SLIT3: variants seen among roughly 807,000 people sequenced by gnomAD.
SLIT3 encodes the protein slit homolog 3 protein.
Under a neutral mutation model 184.0 loss-of-function variants are expected in SLIT3, and 68 were observed. That is an observed-to-expected ratio of 0.37 (90% confidence interval 0.30 to 0.45). The LOEUF is 0.45. Ranked by LOEUF, SLIT3 falls within the 20% of genes least tolerant of loss-of-function variation. The pLI is 1.00. For missense variants in SLIT3, 1,707 were observed against 2,026.0 expected (o/e 0.84, Z 3.02); for synonymous variants, 831 against 828.6 (o/e 1.00, Z -0.05).
chr5:169,196,246 G>A (rs1350144668), intron 3 of SLIT3, among the ~76,000 whole-genome samples: 1 of 152,140 alleles, frequency 6.6e-6, no homozygotes, highest in African/African-American at 2.4e-5. Flanking sequence ...TGTACTCAGC[G>A]ATAACAGGTG....
chr5:168,961,780 A>G (rs1763017745), intron 4 of SLIT3, among the ~76,000 whole-genome samples: 1 of 152,148 alleles, frequency 6.6e-6, no homozygotes, highest in African/African-American at 2.4e-5. Context: ...CTAACTACAT[A>G]TATTTTCTGT....
intron 4 of SLIT3, among the ~76,000 whole-genome samples, chr5:169,133,035 C>A (rs968792558): frequency 6.6e-6 from 1 of 152,200 alleles, no homozygotes; most frequent in Non-Finnish European, 1.5e-5. Context: ...ACATAGACAA[C>A]TGTTTCCTGT....
At chr5:168,824,414 GC>G (rs1304703977) in intron 6 of SLIT3, among the ~76,000 whole-genome samples, 9 of 152,182 alleles carry the variant, frequency 5.9e-5, no homozygotes, top group Non-Finnish European at 1.3e-4. Context: ...CTGAAATGAG[GC>G]TGTTGAAGAA....
At chr5:169,222,325 T>C (rs559090631) in intron 3 of SLIT3, among the ~76,000 whole-genome samples, 3 of 152,216 alleles carry the variant, frequency 2.0e-5, no homozygotes, top group Non-Finnish European at 2.9e-5. Flanking sequence ...AAAAAATCCA[T>C]GAAAATACTA....
chr5:169,042,855 A>G (rs1398894898), intron 4 of SLIT3, among the ~76,000 whole-genome samples: 1 of 152,224 alleles, frequency 6.6e-6, no homozygotes, highest in Non-Finnish European at 1.5e-5. Context: ...TATAAAAACA[A>G]GAAAAACTGG....
intron 4 of SLIT3, among the ~76,000 whole-genome samples, chr5:169,135,152 G>T (rs540410559): frequency 7.9e-5 from 12 of 152,128 alleles, no homozygotes; most frequent in Non-Finnish European, 1.5e-4. Flanking sequence ...GTTGCCCAGG[G>T]TGGGAGTCCA....
rs1366357621 is a variant in SLIT3, at chr5:168,777,091, ACACACACACACACACCCC to A, written c.1152-2731_1152-2714del. Among the ~76,000 whole-genome samples, 308 of 83,610 alleles carry A rather than the reference ACACACACACACACACCCC, an allele frequency of 3.7e-3. 3 individuals carry two copies. Among genetic ancestry groups the A allele is most frequent in the African/African-American group, 0.013 (264 of 19,806 alleles). 54.9% of individuals were successfully genotyped at this position (83,610 alleles called of 152,430 possible). A position where few individuals can be genotyped will look rare whatever the true frequency, so the allele number is the denominator to read the frequency against. On this transcript the variant is annotated intron_variant, in intron 12 of 35. Coordinates refer to ENST00000519560, the MANE Select transcript of SLIT3 (RefSeq NM_003062.4). ...CACACACACACACACACACACACAC[ACACACACACACACACCCC>A]CCATACCACACCACACCACATCAAA... is the stretch of plus-strand genomic sequence containing the variant.
intron 4 of SLIT3, among the ~76,000 whole-genome samples, chr5:169,000,285 G>C (rs1755659140): frequency 6.8e-6 from 1 of 147,414 alleles, no homozygotes. Flanking sequence ...CCAGCTACTC[G>C]AAAGGCTGAG....
At chr5:169,096,017 G>A (rs1759765411) in intron 4 of SLIT3, among the ~76,000 whole-genome samples, 1 of 152,186 alleles carries the variant, frequency 6.6e-6, no homozygotes, top group Non-Finnish European at 1.5e-5. Flanking sequence ...CTCAAGGCAA[G>A]ACAAGTATTA....
intron 4 of SLIT3, among the ~76,000 whole-genome samples, chr5:169,102,159 G>A (rs1468586984): frequency 6.6e-6 from 1 of 152,208 alleles, no homozygotes; most frequent in Non-Finnish European, 1.5e-5. Flanking sequence ...TTATGCCATT[G>A]CCTGTGTGGA....
chr5:168,915,679 C>T (rs1011072202), intron 4 of SLIT3, among the ~76,000 whole-genome samples: 4 of 151,464 alleles, frequency 2.6e-5, no homozygotes, highest in African/African-American at 9.7e-5. Context: ...TTTGGAAATC[C>T]ACTTTGCATT....
In SLIT3 at chr5:169,257,533, C is replaced by CTTTTTT. The variant is rs1157258489; in HGVS notation, c.198-6080_198-6075dup. On this transcript the variant is annotated intron_variant, in intron 1 of 35. Coordinates refer to ENST00000519560, the MANE Select transcript of SLIT3 (RefSeq NM_003062.4). ...TTGATACAATAGCTTTCTATGCCTC[C>CTTTTTT]TTTTTTTTTTTTTTTTTTTTTTTTT... is the stretch of plus-strand genomic sequence containing the variant. 2.1e-4 allele frequency among the ~76,000 whole-genome samples: 17 copies of CTTTTTT among 80,962 alleles called. 1 individual carries two copies. The highest frequency in any genetic ancestry group is 1.2e-3 in the East Asian group (3 of 2,534). The allele number at this position is 80,962 out of a possible 152,430, so 53.1% of individuals were successfully genotyped here.
chr5:168,718,564 A>G (rs1339925623), intron 23 of SLIT3, among the ~76,000 whole-genome samples: 1 of 152,018 alleles, frequency 6.6e-6, no homozygotes, highest in Middle Eastern at 3.2e-3. Flanking sequence ...TCTTTTCGCT[A>G]TTTTCAGATT....
intron 23 of SLIT3, among the ~76,000 whole-genome samples, chr5:168,717,827 AT>A (rs369551640): frequency 6.6e-6 from 1 of 151,928 alleles, no homozygotes; most frequent in Non-Finnish European, 1.5e-5. Context: ...CGTCCGGCTA[AT>A]TTTTTGTAGT....
chr5:169,144,900 T>C (rs965044480), intron 4 of SLIT3, among the ~76,000 whole-genome samples: 13 of 152,202 alleles, frequency 8.5e-5, no homozygotes, highest in African/African-American at 2.9e-4. Context: ...GGACGATGCA[T>C]GCTCCTTCCC....
chr5:168,838,666 C>T (rs747773799), intron 6 of SLIT3, among the ~76,000 whole-genome samples: 3 of 152,124 alleles, frequency 2.0e-5, no homozygotes, highest in Non-Finnish European at 2.9e-5. Flanking sequence ...ACACCAACCC[C>T]GCTCTAGGAG....
At chr5:168,687,354 T>A (rs1286796523) in intron 29 of SLIT3, among the ~76,000 whole-genome samples, 3 of 152,234 alleles carry the variant, frequency 2.0e-5, no homozygotes, top group African/African-American at 7.2e-5. Flanking sequence ...AGGGTTGGAC[T>A]CATCCAGCTT....
intron 4 of SLIT3, among the ~76,000 whole-genome samples, chr5:168,988,146 C>T (rs113112647): frequency 1.3e-5 from 2 of 152,224 alleles, no homozygotes; most frequent in Admixed American, 1.3e-4. Flanking sequence ...ATATGTGCAC[C>T]TATGGTGACC....
intron 5 of SLIT3, among the ~76,000 whole-genome samples, chr5:168,848,212 C>T (rs550034391): frequency 4.1e-4 from 62 of 152,332 alleles, no homozygotes; most frequent in Middle Eastern, 3.4e-3. Context: ...GAGCCCAAGC[C>T]GTATGGAATA....
Sources: gnomAD v4.1 joint callset for allele counts (sites outside exome capture counted in the v4.1 genomes callset) on GRCh38, gnomAD v4.1.1 for gene constraint, MANE v1.5 for transcripts, NCBI Gene and HGNC (gene_info 2026-07-23, HGNC 2026-07-21) for gene names.